Variants in PLPP3 observed in about 807,000 individuals in gnomAD.
The protein encoded by PLPP3 is PAP2 beta.
Under a neutral mutation model 29.6 loss-of-function variants are expected in PLPP3, and 6 were observed. The ratio of observed to expected loss-of-function variants is 0.20; its 90% CI spans 0.11 to 0.40. PLPP3 has a LOEUF of 0.40. PLPP3 is among the 10% of genes least tolerant of loss of function. PLPP3 has a pLI of 1.00. For missense variants in PLPP3, 308 were observed against 407.7 expected (o/e 0.76, Z 2.11); for synonymous variants, 152 against 159.7 (o/e 0.95, Z 0.36).
At chr1:56,572,672 A>G (rs912120913) in intron 1 of PLPP3, among the ~76,000 whole-genome samples, 35 of 152,110 alleles carry the variant, frequency 2.3e-4, no homozygotes, top group African/African-American at 8.0e-4. Context: ...TTTTTCCTTA[A>G]TATAGTTCAG....
At chr1:56,565,422 CT>C (rs1001810186) in intron 1 of PLPP3, among the ~76,000 whole-genome samples, 200 of 145,226 alleles carry the variant, frequency 1.4e-3, no homozygotes, top group Middle Eastern at 7.1e-3. Flanking sequence ...AAAGTCCCTT[CT>C]TTTTTTTTTT....
Position 56,579,153 on chromosome 1 carries a change from G to A in PLPP3, c.-137C>T, listed in dbSNP as rs1646259569. The A allele has an allele frequency of 2.5e-6, 3 of 1,196,768 alleles. No homozygotes were observed. Among genetic ancestry groups the A allele is most frequent in the South Asian group, 1.6e-5 (1 of 62,738 alleles). 74.1% of individuals were successfully genotyped at this position (1,196,768 alleles called of 1,614,324 possible). A position where few individuals can be genotyped will look rare whatever the true frequency, so the allele number is the denominator to read the frequency against. On this transcript the variant is annotated 5_prime_UTR_variant, in exon 1 of 6. Transcript: ENST00000371250. ...GTCGGCCCCGGCTCCGGGCGCGGCGGCTAGAGTGCAGCCGGGGCTGCCTGC... is the reference window on the plus strand; with the variant it reads ...GTCGGCCCCGGCTCCGGGCGCGGCGACTAGAGTGCAGCCGGGGCTGCCTGC...
intron 1 of PLPP3, among the ~76,000 whole-genome samples, chr1:56,559,383 A>G (rs1646105910): frequency 6.6e-6 from 1 of 151,178 alleles, no homozygotes; most frequent in South Asian, 2.1e-4. Flanking sequence ...GAGGAACAGT[A>G]AGCAAGGGGC....
In PLPP3 at chr1:56,524,524, A is replaced by G. The variant is rs1645840552; in HGVS notation, c.328T>C (p.Tyr110His). 2 of 1,611,958 alleles carry G rather than the reference A, an allele frequency of 1.2e-6. No homozygotes were observed. The highest frequency in any genetic ancestry group is 2.7e-5 in the African/African-American group (2 of 74,902). ...IITGEFYRIY[Y>H]LKKSRSTIQN... ...ATCGTCGACCGCGACTTCTTCAGGT[A>G]ATAGATCCGGTAGAATTCCCCCGTG... Residue 110 changes from tyrosine (Y) to histidine (H), a missense_variant, in exon 3 of 6, where the codon TAC becomes CAC. Transcript: ENST00000371250. This position sits in a 1 kb window ranked among gnomAD's most constrained non-coding sequence, Gnocchi z 4.3.
intron 1 of PLPP3, among the ~76,000 whole-genome samples, chr1:56,570,654 G>A (rs564961347): frequency 5.9e-5 from 9 of 152,290 alleles, no homozygotes; most frequent in South Asian, 2.1e-4. Context: ...CTGACAATGC[G>A]TGACCTTGAG....
chr1:56,501,892 GACAAA>G (rs1645670764), intron 5 of PLPP3, among the ~76,000 whole-genome samples: 1 of 152,186 alleles, frequency 6.6e-6, no homozygotes, highest in African/African-American at 2.4e-5. Context: ...TTTTCTATAG[GACAAA>G]CAGAATCTGC....
At chr1:56,525,246 T>C (rs1645845234) in intron 2 of PLPP3, among the ~76,000 whole-genome samples, 1 of 152,212 alleles carries the variant, frequency 6.6e-6, no homozygotes, top group Non-Finnish European at 1.5e-5. Flanking sequence ...ATGCTTTTAC[T>C]TTTTAGAAGC....
rs779476654 is a variant in PLPP3 at position 56,536,979 on chromosome 1, C to T, written c.273G>A (p.Val91=). ...CCGCGAGGATGGCAATGACGATCCC[C>T]ACGGCACAGAGCACAGCGTCATTTA... ...ETINDAVLCA[V]GIVIAILAII... Residue 91 remains valine, a synonymous_variant, in exon 2 of 6, where the codon GTG becomes GTA. Coordinates refer to ENST00000371250, the MANE Select transcript of PLPP3 (RefSeq NM_003713.5). The T allele has an allele frequency of 3.1e-6, 5 of 1,613,546 alleles. No individual in the cohort carries two copies. In the Admixed American group the frequency reaches 6.7e-5, roughly 22 times the overall value.
chr1:56,521,891 G>C (rs1645821968), intron 4 of PLPP3, among the ~76,000 whole-genome samples: 1 of 152,186 alleles, frequency 6.6e-6, no homozygotes, highest in Admixed American at 6.5e-5. Flanking sequence ...AGATGGTAAG[G>C]AGGTAATTGG....
intron 5 of PLPP3, among the ~76,000 whole-genome samples, chr1:56,501,518 T>C (rs1025388172): frequency 1.6e-4 from 24 of 152,134 alleles, no homozygotes; most frequent in Non-Finnish European, 1.9e-4. Flanking sequence ...CATTCCCTTC[T>C]CTCCCCAGCC....
intron 5 of PLPP3, 78 bp from the exon 6 acceptor site, chr1:56,496,754 G>A: frequency 1.3e-6 from 2 of 1,533,410 alleles, no homozygotes; most frequent in African/African-American, 1.4e-5. Flanking sequence ...AAGGTCAGAG[G>A]AGCGCAGACT....
At chr1:56,521,428 G>GTA (rs1208477359) in intron 4 of PLPP3, among the ~76,000 whole-genome samples, 3 of 151,984 alleles carry the variant, frequency 2.0e-5, no homozygotes, top group East Asian at 1.9e-4. Context: ...ATAGAGCTGT[G>GTA]TATATATATG....
chr1:56,563,578 T>C (rs1348404017), intron 1 of PLPP3, among the ~76,000 whole-genome samples: 3 of 152,198 alleles, frequency 2.0e-5, no homozygotes, highest in Non-Finnish European at 4.4e-5. Flanking sequence ...CTGATATATT[T>C]TCAGTAAAAG....
At chr1:56,527,841 G>A (rs1000111438) in intron 2 of PLPP3, among the ~76,000 whole-genome samples, 29 of 152,104 alleles carry the variant, frequency 1.9e-4, no homozygotes, top group African/African-American at 6.5e-4. Flanking sequence ...CAGACGAGGC[G>A]AAGGCTTAAA....
At chr1:56,550,814 G>A (rs1208802805) in intron 1 of PLPP3, among the ~76,000 whole-genome samples, 8 of 152,124 alleles carry the variant, frequency 5.3e-5, no homozygotes, top group Non-Finnish European at 1.0e-4. Flanking sequence ...CAGCTGCCTG[G>A]TATGTTTGCC....
intron 1 of PLPP3, among the ~76,000 whole-genome samples, chr1:56,554,237 C>T (rs1200252793): frequency 6.6e-6 from 1 of 151,914 alleles, no homozygotes; most frequent in Non-Finnish European, 1.5e-5. Context: ...ATCTGTAAAA[C>T]AGGCTAGAAT....
At chr1:56,550,258 G>A (rs965739712) in intron 1 of PLPP3, among the ~76,000 whole-genome samples, 13 of 152,102 alleles carry the variant, frequency 8.5e-5, no homozygotes, top group African/African-American at 2.7e-4. Flanking sequence ...TAAGGCATTC[G>A]GATACACTGG....
chr1:56,579,033 C>G lies in PLPP3; in HGVS notation c.-17G>C, dbSNP rs1646258518. 1.3e-6 allele frequency: 2 copies of G among 1,581,726 alleles called. No individual in the cohort carries two copies. Among genetic ancestry groups the G allele is most frequent in the South Asian group, 1.1e-5 (1 of 88,830 alleles). On this transcript the variant is annotated 5_prime_UTR_variant, in exon 1 of 6. Transcript: ENST00000371250. Reference sequence around the variant, plus strand: ...GTTTTGCATGGCGCTGGCTGCGGCGCGAGCCTCCCGCCCCGCGAAGACGTC... The same window carrying G: ...GTTTTGCATGGCGCTGGCTGCGGCGGGAGCCTCCCGCCCCGCGAAGACGTC...
At chr1:56,552,931 A>C (rs1331310886) in intron 1 of PLPP3, among the ~76,000 whole-genome samples, 1 of 152,142 alleles carries the variant, frequency 6.6e-6, no homozygotes, top group African/African-American at 2.4e-5. Flanking sequence ...TCAGGAGTTC[A>C]AGGTTGGATT....
Sources: gnomAD v4.1 joint callset for allele counts (sites outside exome capture counted in the v4.1 genomes callset) on GRCh38, gnomAD v4.1.1 for gene constraint, Gnocchi (gnomAD v3.1) non-coding constraint, MANE v1.5 for transcripts, NCBI Gene and HGNC (gene_info 2026-07-23, HGNC 2026-07-21) for gene names.